RBM44: variants seen among roughly 807,000 people sequenced by gnomAD.
The protein encoded by RBM44 is RNA-binding protein 44.
Under a neutral mutation model 105.1 loss-of-function variants are expected in RBM44, and 66 were observed. That is an observed-to-expected ratio of 0.63 (90% CI 0.52 to 0.77). The LOEUF (loss-of-function observed/expected upper bound fraction) is 0.77, where lower values mean the gene tolerates loss of function less well. RBM44 is among the 30% of genes least tolerant of loss of function. RBM44 has a pLI of 0.00. For missense variants in RBM44, 1,122 were observed against 1,207.8 expected (o/e 0.93, Z 1.05); for synonymous variants, 365 against 417.6 (o/e 0.87, Z 1.54).
In RBM44 at chr2:237,818,009, G is replaced by C. The variant is rs772041088; in HGVS notation, c.1090G>C (p.Asp364His). The change falls in exon 3 of 16, where the codon GAT becomes CAT. Residue 364 changes from aspartate to histidine, a missense_variant. Asp to His is a moderately conservative substitution (Grantham distance 81). This residue lies in a region of RBM44 where 918 missense variants were observed against 955.3 expected (regional missense o/e 0.96). Coordinates refer to ENST00000316997, the MANE Select transcript of RBM44 (RefSeq NM_001080504.3). The surrounding 1 kb of genome is among the most constrained non-coding windows in gnomAD (Gnocchi z 4.6). ...HLENPSTLPQ[D>H]KALETLLQPC... ...TGAAAATCCTAGCACATTACCACAG[G>C]ATAAAGCTTTAGAGACATTACTCCA... 5.0e-6 allele frequency: 8 copies of C among 1,612,960 alleles called. No individual in the cohort carries two copies. Among genetic ancestry groups the C allele is most frequent in the Non-Finnish European group, 5.9e-6 (7 of 1,179,350 alleles).
At chr2:237,815,270 T>C (rs2061703074) in intron 2 of RBM44, among the ~76,000 whole-genome samples, 1 of 152,190 alleles carries the variant, frequency 6.6e-6, no homozygotes, top group Non-Finnish European at 1.5e-5. Flanking sequence ...AACAACTCTG[T>C]CGTCTCCAAC....
chr2:237,817,519 T>C lies in RBM44; in HGVS notation c.600T>C (p.His200=), dbSNP rs772478500. 3.7e-6 allele frequency: 6 copies of C among 1,608,852 alleles called. No individual in the cohort carries two copies. Among genetic ancestry groups the C allele is most frequent in the Admixed American group, 1.7e-5 (1 of 59,170 alleles). ...SAEEQEYISN[H]LSFDQTKALD... The stretch of plus-strand genomic sequence containing the variant: ...AAGAACAAGAATACATAAGTAACCA[T>C]TTATCTTTTGACCAAACAAAAGCAT... Residue 200 remains histidine, a synonymous_variant, in exon 3 of 16, where the codon CAT becomes CAC. Transcript: ENST00000316997.
intron 8 of RBM44, among the ~76,000 whole-genome samples, chr2:237,822,461 G>A (rs2061803183): frequency 6.6e-6 from 1 of 151,974 alleles, no homozygotes; most frequent in Admixed American, 6.6e-5. Flanking sequence ...TAGGAAGGCT[G>A]GGGTTTAGTC....
chr2:237,840,800 C>T (rs1171584233), intron 15 of RBM44, among the ~76,000 whole-genome samples: 3 of 152,056 alleles, frequency 2.0e-5, no homozygotes, highest in Admixed American at 2.0e-4. Context: ...ATTCACGTGG[C>T]CAACAAGCAT....
chr2:237,808,068 A>C (rs2061617262), intron 1 of RBM44, among the ~76,000 whole-genome samples: 1 of 152,228 alleles, frequency 6.6e-6, no homozygotes, highest in African/African-American at 2.4e-5. Context: ...TACTGGAGTT[A>C]CTAAATACAG....
intron 15 of RBM44, among the ~76,000 whole-genome samples, chr2:237,839,330 A>T (rs2061988618): frequency 1.3e-5 from 2 of 152,042 alleles, no homozygotes; most frequent in African/African-American, 4.8e-5. Flanking sequence ...CTGGAGTACA[A>T]TGGCGCGATC....
intron 1 of RBM44, among the ~76,000 whole-genome samples, chr2:237,799,894 G>A (rs1198719595): frequency 1.3e-5 from 2 of 152,192 alleles, no homozygotes; most frequent in Non-Finnish European, 2.9e-5. Context: ...TGTCAAGGGC[G>A]AGTCCTGTGG....
chr2:237,834,147 TA>T lies in RBM44; in HGVS notation c.3032+7del. The stretch of plus-strand genomic sequence containing the variant: ...ACTGCATCCAGAAGTCAGCAGGTAA[TA>T]ACCAAAATTATATTTTAACTGCTTT... On this transcript the variant is annotated splice_donor_region_variant and intron_variant, in intron 14 of 15. Coordinates refer to ENST00000316997, the MANE Select transcript of RBM44 (RefSeq NM_001080504.3). The T allele has an allele frequency of 6.4e-7, 1 of 1,553,210 alleles. No homozygotes were observed. Among genetic ancestry groups the T allele is most frequent in the Non-Finnish European group, 8.7e-7 (1 of 1,150,702 alleles).
intron 1 of RBM44, among the ~76,000 whole-genome samples, chr2:237,813,350 T>A (rs1258922172): frequency 6.6e-6 from 1 of 152,176 alleles, no homozygotes; most frequent in Non-Finnish European, 1.5e-5. Context: ...AAGTCATTGG[T>A]TTTTAGTAAG....
chr2:237,805,688 G>A (rs2061592491), intron 1 of RBM44, among the ~76,000 whole-genome samples: 1 of 152,204 alleles, frequency 6.6e-6, no homozygotes, highest in Non-Finnish European at 1.5e-5. Flanking sequence ...CTCGAGGCCA[G>A]GTGCAGTGGC....
intron 1 of RBM44, among the ~76,000 whole-genome samples, chr2:237,808,990 T>C (rs914145471): frequency 1.3e-5 from 2 of 152,308 alleles, no homozygotes; most frequent in South Asian, 4.1e-4. Flanking sequence ...TCAAGGAATA[T>C]GTACCCAACA....
At chr2:237,822,641 G>T (rs2061805322) in intron 8 of RBM44, among the ~76,000 whole-genome samples, 1 of 151,978 alleles carries the variant, frequency 6.6e-6, no homozygotes, top group Non-Finnish European at 1.5e-5. Flanking sequence ...TATCCACAAA[G>T]AATTAACAGG....
chr2:237,808,948 A>G (rs550191314), intron 1 of RBM44, among the ~76,000 whole-genome samples: 3 of 152,328 alleles, frequency 2.0e-5, no homozygotes, highest in Admixed American at 2.0e-4. Context: ...GCTTTCTTCC[A>G]TAGGAATAGT....
chr2:237,799,439 G>C (rs1222946943), intron 1 of RBM44: 3 of 152,420 alleles, frequency 2.0e-5, no homozygotes, highest in Non-Finnish European at 4.4e-5. Flanking sequence ...GTGGGCAGGC[G>C]AGAGAACGCA....
intron 2 of RBM44, among the ~76,000 whole-genome samples, chr2:237,813,936 A>G (rs1168169189): frequency 1.3e-5 from 2 of 152,160 alleles, no homozygotes; most frequent in Non-Finnish European, 2.9e-5. Context: ...CCTTTCAAGA[A>G]CTGCTGACAG....
rs1003939566 is a variant in RBM44, at chr2:237,824,195, GTCA to G, written c.2321-90_2321-88del. 1.0e-4 allele frequency: 113 copies of G among 1,101,232 alleles called. No individual in the cohort carries two copies. In the African/African-American group the frequency reaches 1.6e-3, roughly 16 times the overall value. The allele number at this position is 1,101,232 out of a possible 1,614,324, so 68.2% of individuals were successfully genotyped here. A position where few individuals can be genotyped will look rare whatever the true frequency, so the allele number is the denominator to read the frequency against. ...TAGATTTATACATAAAACTCTAGTA[GTCA>G]TCATCGTACTGATTCATCCATGGTT... On this transcript the variant is annotated intron_variant, in intron 9 of 15. Coordinates refer to ENST00000316997, the MANE Select transcript of RBM44 (RefSeq NM_001080504.3).
In RBM44 at chr2:237,820,134, A is replaced by G. The variant is rs146454584; in HGVS notation, c.1737-41A>G. On this transcript the variant is annotated intron_variant, in intron 4 of 15. Transcript: ENST00000316997. ...GGAGGCATGTTATTACTATAGAAAA[A>G]TGTTTGGAATCTTACCTGATCCTAT... 795 of 1,178,722 alleles carry G rather than the reference A, an allele frequency of 6.7e-4. 3 individuals are homozygous for G. The African/African-American group carries it at 0.011, about 17-fold the overall frequency. The allele number at this position is 1,178,722 out of a possible 1,614,324, so 73.0% of individuals were successfully genotyped here.
rs746828777 is a variant in RBM44, at chr2:237,813,572, A to C, written c.-18-20A>C. The C allele has an allele frequency of 1.3e-5, 17 of 1,280,440 alleles. No individual in the cohort carries two copies. Among genetic ancestry groups the C allele is most frequent in the Non-Finnish European group, 1.9e-5 (17 of 886,660 alleles). The allele number at this position is 1,280,440 out of a possible 1,614,324, so 79.3% of individuals were successfully genotyped here. ...TGCTTTTTAAGTATAATAATAGTTC[A>C]ATATTTATACCTTTTCTAGATTATA... On this transcript the variant is annotated intron_variant, in intron 1 of 15. Transcript: ENST00000316997.
chr2:237,821,065 G>C lies in RBM44; in HGVS notation c.1914-6G>C, dbSNP rs757699375. 3.2e-6 allele frequency: 5 copies of C among 1,576,268 alleles called. No homozygotes were observed. Among genetic ancestry groups the C allele is most frequent in the Non-Finnish European group, 4.3e-6 (5 of 1,168,164 alleles). ...ATTTAGTTTTGTGCACTCAACTTTTGAACAGGAATTTATCAAGTAATTCTG... is the reference window on the plus strand; with the variant it reads ...ATTTAGTTTTGTGCACTCAACTTTTCAACAGGAATTTATCAAGTAATTCTG... On this transcript the variant is annotated splice_polypyrimidine_tract_variant and splice_region_variant and intron_variant, in intron 5 of 15. Coordinates refer to ENST00000316997, the MANE Select transcript of RBM44 (RefSeq NM_001080504.3).
Sources: gnomAD v4.1 joint callset for allele counts (sites outside exome capture counted in the v4.1 genomes callset) on GRCh38, gnomAD v4.1.1 for gene constraint, gnomAD v4.1.1 regional missense constraint, Gnocchi (gnomAD v3.1) non-coding constraint, MANE v1.5 for transcripts, NCBI Gene and HGNC (gene_info 2026-07-23, HGNC 2026-07-21) for gene names.